The following CDYL variants were observed in gnomAD, a reference collection of about 807,000 sequenced individuals.
CDYL encodes the protein chromodomain Y like, also known as chromodomain Y-like protein.
A neutral mutation model predicts 47.3 loss-of-function variants in CDYL; 8 were observed. That is an observed-to-expected ratio of 0.17 (90% CI 0.10 to 0.31). The LOEUF (loss-of-function observed/expected upper bound fraction) is 0.31. Among genes scored for constraint, CDYL ranks in the 10% least tolerant of loss-of-function variants. The pLI, the probability that CDYL is intolerant of heterozygous loss-of-function variation, is 1.00. For synonymous variants in CDYL, 266 were observed against 265.0 expected, an observed-to-expected ratio of 1.00 and a Z score of -0.04; for missense variants, 471 against 701.4, an observed-to-expected ratio of 0.67 and a Z score of 3.71.
At chr6:4,951,043 C>T (rs1459766501) in intron 5 of CDYL, among the ~76,000 whole-genome samples, 1 of 152,110 alleles carries the variant, frequency 6.6e-6, no homozygotes, top group Non-Finnish European at 1.5e-5. Flanking sequence ...TTTGCTTTGC[C>T]GCCTCTGCCT....
chr6:4,776,456 GGCCGCGCCGCCCGCACGCC>G lies in CDYL; in HGVS notation c.-319_-301del, dbSNP rs1360980239. 1.9e-3 allele frequency: 269 copies of G among 145,338 alleles called. 5 individuals are homozygous for G. Among genetic ancestry groups the G allele is most frequent in the Middle Eastern group, 3.5e-3 (1 of 288 alleles). The allele number at this position is 145,338 out of a possible 1,614,324, so 9.0% of individuals were successfully genotyped here. A position where few individuals can be genotyped will look rare whatever the true frequency, so the allele number is the denominator to read the frequency against. On this transcript the variant is annotated 5_prime_UTR_variant, in exon 1 of 7. Transcript: ENST00000397588. ...ACACCGGAGAGGGGAGCCGCGATCC[GGCCGCGCCGCCCGCACGCC>G]GCCGCGCCCGCCCCAGCCCGCCCGG...
upstream of CDYL, among the ~76,000 whole-genome samples, chr6:4,772,148 C>T (rs1452170803): frequency 6.6e-6 from 1 of 152,160 alleles, no homozygotes; most frequent in African/African-American, 2.4e-5. Flanking sequence ...TTGATGAGCT[C>T]CGGCCAGTGA....
At chr6:4,783,467 A>G (rs1325573501) in intron 1 of CDYL, among the ~76,000 whole-genome samples, 2 of 145,812 alleles carry the variant, frequency 1.4e-5, no homozygotes, top group Non-Finnish European at 3.0e-5. Flanking sequence ...CCCAGGCTGG[A>G]GTGCAGTGGC....
chr6:4,758,996 CT>C (rs1183652621), intron 3 of CDYL, among the ~76,000 whole-genome samples: 1 of 133,176 alleles, frequency 7.5e-6, no homozygotes, highest in Non-Finnish European at 1.5e-5. Context: ...GAGATGGAGT[CT>C]CGTTCTGTCT....
intron 1 of CDYL, among the ~76,000 whole-genome samples, chr6:4,863,434 A>G (rs1371181736): frequency 1.3e-5 from 2 of 152,234 alleles, no homozygotes; most frequent in Non-Finnish European, 2.9e-5. Context: ...AAATCGAGTC[A>G]CATAATTTCT....
chr6:4,820,557 G>A (rs1401642644), intron 1 of CDYL, among the ~76,000 whole-genome samples: 2 of 152,186 alleles, frequency 1.3e-5, no homozygotes, highest in Admixed American at 1.3e-4. Flanking sequence ...GCATCCCAGT[G>A]AGGGAATCGA....
At chr6:4,921,015 A>G (rs62384682) in intron 2 of CDYL, among the ~76,000 whole-genome samples, 7,349 of 84,864 alleles carry the variant, frequency 0.087, 303 homozygotes, top group African/African-American at 0.16. Context: ...GTGTGTGTGT[A>G]TGTGTGGCTT....
rs762422737 is a variant in CDYL, at chr6:4,715,921, G to C, written c.103+40G>C. On this transcript the variant is annotated intron_variant, in intron 2 of 8. Transcript: ENST00000328908. ...GAATCAAATTAGTTCTGATGCAGTA[G>C]GCAGAATTCTTAGAGAGGCCCCTTT... 39 of 1,594,864 alleles carry C rather than the reference G, an allele frequency of 2.4e-5. No homozygotes were observed. The South Asian group carries it at 3.2e-4, about 13-fold the overall frequency.
At chr6:4,871,395 G>A (rs1427296053) in intron 1 of CDYL, among the ~76,000 whole-genome samples, 1 of 152,122 alleles carries the variant, frequency 6.6e-6, no homozygotes, top group African/African-American at 2.4e-5. Context: ...GGATTTTAGA[G>A]CATTTTGGAT....
intron 1 of CDYL, among the ~76,000 whole-genome samples, chr6:4,834,220 C>A (rs1476028488): frequency 6.6e-6 from 1 of 152,080 alleles, no homozygotes; most frequent in Non-Finnish European, 1.5e-5. Flanking sequence ...ACCAGTTGTT[C>A]CTTTCCATGT....
intron 1 of CDYL, among the ~76,000 whole-genome samples, chr6:4,890,983 G>A (rs1055909573): frequency 1.4e-4 from 22 of 152,222 alleles, no homozygotes; most frequent in African/African-American, 4.6e-4. Context: ...AGATGTTAAG[G>A]TAGTAGAATT....
intron 2 of CDYL, among the ~76,000 whole-genome samples, chr6:4,934,178 G>T (rs1179113293): frequency 6.6e-6 from 1 of 152,170 alleles, no homozygotes; most frequent in Non-Finnish European, 1.5e-5. Flanking sequence ...AGATACTCTG[G>T]AGGGGCCCCT....
chr6:4,952,050 G>GA (rs1406546812), intron 5 of CDYL, among the ~76,000 whole-genome samples: 3 of 152,038 alleles, frequency 2.0e-5, no homozygotes, highest in Non-Finnish European at 4.4e-5. Flanking sequence ...TCCTTTTTAA[G>GA]AAAAAAATCA....
intron 3 of CDYL, among the ~76,000 whole-genome samples, chr6:4,768,853 C>T (rs749455600): frequency 8.5e-5 from 13 of 152,152 alleles, no homozygotes; most frequent in Non-Finnish European, 1.5e-4. Flanking sequence ...TCATGTTGAT[C>T]GTAGGTATCC....
intron 1 of CDYL, among the ~76,000 whole-genome samples, chr6:4,777,265 A>G (rs1383728047): frequency 6.6e-6 from 1 of 152,146 alleles, no homozygotes; most frequent in Non-Finnish European, 1.5e-5. Context: ...AACGCTTTCG[A>G]CTTTGCTGTT....
upstream of CDYL, among the ~76,000 whole-genome samples, chr6:4,773,740 G>T (rs758206654): frequency 1.3e-5 from 2 of 152,180 alleles, no homozygotes; most frequent in Non-Finnish European, 2.9e-5. This position sits in a 1 kb window ranked among gnomAD's most constrained non-coding sequence, Gnocchi z 4.6. Flanking sequence ...AGAGTGGAGA[G>T]GTGGTTGGAA....
intron 4 of CDYL, among the ~76,000 whole-genome samples, chr6:4,943,132 G>C (rs1758409763): frequency 6.6e-6 from 1 of 152,110 alleles, no homozygotes; most frequent in Non-Finnish European, 1.5e-5. Flanking sequence ...GTATGCCCTG[G>C]GCCAGATTTC....
intron 1 of CDYL, among the ~76,000 whole-genome samples, chr6:4,879,076 CTT>C (rs1459706620): frequency 6.6e-6 from 1 of 152,098 alleles, no homozygotes; most frequent in Non-Finnish European, 1.5e-5. Context: ...TCCATTCACT[CTT>C]TTAAAATTTT....
intron 1 of CDYL, among the ~76,000 whole-genome samples, chr6:4,872,614 A>T (rs1005898596): frequency 2.6e-5 from 4 of 152,100 alleles, no homozygotes; most frequent in African/African-American, 4.8e-5. Flanking sequence ...TCCTGACCTC[A>T]GGTGATCCAC....
Sources: gnomAD v4.1 joint callset for allele counts (sites outside exome capture counted in the v4.1 genomes callset) on GRCh38, gnomAD v4.1.1 for gene constraint, Gnocchi (gnomAD v3.1) non-coding constraint, MANE v1.5 for transcripts, NCBI Gene and HGNC (gene_info 2026-07-23, HGNC 2026-07-21) for gene names.